GRIK1: variants seen among roughly 807,000 people sequenced by gnomAD.
GRIK1 encodes the protein glutamate receptor ionotropic, kainate 1.
In GRIK1, 69 loss-of-function variants were observed where a neutral mutation model predicts 105.7. The observed-to-expected ratio is 0.65, with a 90% confidence interval of 0.54 to 0.80. The LOEUF is 0.80. Ranked by LOEUF, GRIK1 falls within the 30% of genes least tolerant of loss-of-function variation. GRIK1 has a pLI of 0.00. For synonymous variants in GRIK1, 438 were observed against 431.3 expected, an observed-to-expected ratio of 1.02 and a Z score of -0.19; for missense variants, 1,109 against 1,167.3, an observed-to-expected ratio of 0.95 and a Z score of 0.73.
intron 12 of GRIK1, among the ~76,000 whole-genome samples, chr21:29,586,594 A>G (rs1339465378): frequency 6.6e-6 from 1 of 152,390 alleles, no homozygotes; most frequent in South Asian, 2.1e-4. Flanking sequence ...TTATCTAGGG[A>G]CAGCAAATGT....
intron 7 of GRIK1, among the ~76,000 whole-genome samples, chr21:29,627,723 G>C (rs569789081): frequency 1.6e-4 from 25 of 152,312 alleles, no homozygotes; most frequent in Non-Finnish European, 3.5e-4. Context: ...ATTGGCCTGT[G>C]AATGTGCAGG....
intron 1 of GRIK1, among the ~76,000 whole-genome samples, chr21:29,808,831 G>T (rs2066932937): frequency 6.6e-6 from 1 of 152,072 alleles, no homozygotes; most frequent in Non-Finnish European, 1.5e-5. Context: ...CCCCATGTTT[G>T]TGAGGGAACA....
intron 1 of GRIK1, among the ~76,000 whole-genome samples, chr21:29,864,870 A>G (rs950436602): frequency 6.6e-6 from 1 of 152,156 alleles, no homozygotes; most frequent in Admixed American, 6.5e-5. Context: ...CCACACAGGA[A>G]ATCTGGTAGT....
intron 15 of GRIK1, among the ~76,000 whole-genome samples, chr21:29,559,920 G>A (rs1299678218): frequency 6.6e-6 from 1 of 152,086 alleles, no homozygotes; most frequent in Non-Finnish European, 1.5e-5. Context: ...GGTATGTCAT[G>A]TGGTCTGTAA....
At chr21:29,710,457 T>A (rs1336447562) in intron 1 of GRIK1, among the ~76,000 whole-genome samples, 1 of 152,160 alleles carries the variant, frequency 6.6e-6, no homozygotes, top group African/African-American at 2.4e-5. Flanking sequence ...AAAAAACTAA[T>A]CAGTGTGACT....
intron 1 of GRIK1, among the ~76,000 whole-genome samples, chr21:29,923,500 T>G (rs2071257199): frequency 6.6e-6 from 1 of 152,206 alleles, no homozygotes; most frequent in Non-Finnish European, 1.5e-5. Context: ...AAGTGTGAGT[T>G]TGGAAATGAA....
intron 13 of GRIK1, among the ~76,000 whole-genome samples, chr21:29,579,563 T>G (rs190653075): frequency 6.6e-6 from 1 of 152,308 alleles, no homozygotes; most frequent in Non-Finnish European, 1.5e-5. Flanking sequence ...CAAAATGTTT[T>G]CCAATTGAGT....
intron 1 of GRIK1, among the ~76,000 whole-genome samples, chr21:29,816,641 C>G (rs893064178): frequency 6.6e-6 from 1 of 152,098 alleles, no homozygotes; most frequent in African/African-American, 2.4e-5. Flanking sequence ...TCATTTGCAG[C>G]AACATGGATA....
At chr21:29,784,619 C>A (rs144739369) in intron 1 of GRIK1, among the ~76,000 whole-genome samples, 1 of 151,970 alleles carries the variant, frequency 6.6e-6, no homozygotes, top group African/African-American at 2.4e-5. Context: ...ATGACATACA[C>A]AGAAAATCTC....
At chr21:29,576,364 C>T (rs976715352) in intron 14 of GRIK1, among the ~76,000 whole-genome samples, 2 of 152,178 alleles carry the variant, frequency 1.3e-5, no homozygotes, top group Non-Finnish European at 2.9e-5. Flanking sequence ...AATTCTCCTG[C>T]GGTGCCTCCG....
intron 3 of GRIK1, among the ~76,000 whole-genome samples, chr21:29,679,447 C>T (rs1175857317): frequency 6.6e-6 from 1 of 152,170 alleles, no homozygotes; most frequent in Non-Finnish European, 1.5e-5. Flanking sequence ...TCATCCCGTC[C>T]TATCTATAGG....
chr21:29,868,597 G>T (rs6516933), intron 1 of GRIK1, among the ~76,000 whole-genome samples: 1 of 151,960 alleles, frequency 6.6e-6, no homozygotes, highest in East Asian at 1.9e-4. Flanking sequence ...GGTAATTTAG[G>T]TACACACTAG....
rs1359808862 is a variant in GRIK1 at position 29,939,820 on chromosome 21, C to T, written c.-320G>A. 5 of 259,544 alleles carry T rather than the reference C, an allele frequency of 1.9e-5. No individual in the cohort carries two copies. The South Asian group carries it at 3.4e-4, about 18-fold the overall frequency. The allele number at this position is 259,544 out of a possible 1,614,324, so 16.1% of individuals were successfully genotyped here. A position where few individuals can be genotyped will look rare whatever the true frequency, so the allele number is the denominator to read the frequency against. On this transcript the variant is annotated 5_prime_UTR_variant, in exon 1 of 18. Coordinates refer to ENST00000327783, the MANE Select transcript of GRIK1 (RefSeq NM_001330994.2). Reference sequence around the variant, plus strand: ...AGAGACCAGCTGAGGAAAGTTGCTGCCCCGATCTGCAGGAACGTCTCCCTC... The same window carrying T: ...AGAGACCAGCTGAGGAAAGTTGCTGTCCCGATCTGCAGGAACGTCTCCCTC...
intron 1 of GRIK1, among the ~76,000 whole-genome samples, chr21:29,834,162 C>T (rs948836625): frequency 2.0e-5 from 3 of 151,606 alleles, no homozygotes; most frequent in African/African-American, 4.8e-5. Context: ...ATTTTGAGGA[C>T]CAAGTATTTT....
chr21:29,699,574 A>G (rs1019027868), intron 1 of GRIK1, among the ~76,000 whole-genome samples: 51 of 151,838 alleles, frequency 3.4e-4, no homozygotes, highest in African/African-American at 1.2e-3. Context: ...CACCCAGTCT[A>G]TGGTCTTTTT....
chr21:29,908,083 A>G (rs981182067), intron 1 of GRIK1, among the ~76,000 whole-genome samples: 3 of 152,250 alleles, frequency 2.0e-5, no homozygotes, highest in African/African-American at 7.2e-5. Context: ...GGCACTTATT[A>G]TACACCAGAC....
chr21:29,615,240 G>C (rs1008662614), intron 7 of GRIK1, among the ~76,000 whole-genome samples: 1 of 151,636 alleles, frequency 6.6e-6, no homozygotes. Flanking sequence ...TCCAGATGAT[G>C]ATGGCTTCCT....
chr21:29,554,937 C>CAA, intron 16 of GRIK1, 115 bp downstream of exon 16: 1 of 854,962 alleles, frequency 1.2e-6, no homozygotes, highest in Non-Finnish European at 1.8e-6. Context: ...AAAAATGGCT[C>CAA]TTCTGGGCAT....
intron 7 of GRIK1, among the ~76,000 whole-genome samples, chr21:29,600,218 C>T (rs1016227022): frequency 6.6e-6 from 1 of 152,208 alleles, no homozygotes; most frequent in Non-Finnish European, 1.5e-5. Context: ...TATGCAAAGG[C>T]CTTTTTGCTA....
Sources: allele counts gnomAD v4.1 joint callset (sites outside exome capture counted in the v4.1 genomes callset), GRCh38; gene constraint gnomAD v4.1.1; transcripts MANE v1.5; gene names NCBI Gene and HGNC (gene_info 2026-07-23, HGNC 2026-07-21).